The following CARD9 variants were observed in gnomAD, a reference collection of about 807,000 sequenced individuals.
The protein encoded by CARD9 is caspase recruitment domain family member 9, also known as caspase recruitment domain-containing protein 9.
A neutral mutation model predicts 66.0 loss-of-function variants in CARD9; 53 were observed. The ratio of observed to expected loss-of-function variants is 0.80; its 90% CI spans 0.64 to 1.01. The LOEUF is 1.01. CARD9 is among the 50% of genes least tolerant of loss of function. The pLI, the probability that CARD9 is intolerant of heterozygous loss-of-function variation, is 0.00. For missense variants in CARD9, 769 were observed against 743.2 expected (o/e 1.03, Z -0.40); for synonymous variants, 387 against 313.8 (o/e 1.23, Z -2.47).
At chr9:136,367,043 T>C (rs1043303768) in intron 9 of CARD9, among the ~76,000 whole-genome samples, 173 bp downstream of exon 9, 20 of 152,160 alleles carry the variant, frequency 1.3e-4, no homozygotes, top group Non-Finnish European at 1.8e-4. Flanking sequence ...TGCCTTACCT[T>C]ACCCCTTGAG....
intron 8 of CARD9, 173 bp from the exon 9 acceptor site, chr9:136,367,430 G>A: frequency 2.1e-6 from 2 of 951,638 alleles, no homozygotes; most frequent in South Asian, 1.6e-5. Context: ...GCCAGGCCCA[G>A]GACCCACCCC....
chr9:136,372,112 G>A lies in CARD9; in HGVS notation c.-16-18C>T. 1 of 1,611,290 alleles carries A rather than the reference G, an allele frequency of 6.2e-7. No individual in the cohort carries two copies. On this transcript the variant is annotated intron_variant, in intron 1 of 12. Transcript: ENST00000371732. ...CAGGCAGGCTGGGGAGTGTGGGGCA[G>A]TGCTGAGAGCGATGCCGGCTCCTGC...
rs1833284343 is a variant in CARD9 at position 136,371,879 on chromosome 9, G to GC, written c.184+15dup. On this transcript the variant is annotated intron_variant, in intron 2 of 12. Coordinates refer to ENST00000371732, the MANE Select transcript of CARD9 (RefSeq NM_052813.5). ...TGGTTGGGTTTGGGGCCTGGGGCCC[G>GC]CGGGGCAACACTGACCCACTTTCCG... 2.5e-6 allele frequency: 4 copies of GC among 1,581,258 alleles called. No individual in the cohort carries two copies. The highest frequency in any genetic ancestry group is 1.7e-4 in the Middle Eastern group (1 of 5,916).
intron 2 of CARD9, 24 bp downstream of exon 2, chr9:136,371,871 T>A: frequency 6.3e-7 from 1 of 1,575,948 alleles, no homozygotes; most frequent in Non-Finnish European, 8.7e-7. Flanking sequence ...GTTTGGGGCC[T>A]GGGGCCCGCG....
At chr9:136,366,436 G>C in intron 10 of CARD9, 1 of 328,142 alleles carries the variant, frequency 3.0e-6, no homozygotes, top group Non-Finnish European at 5.8e-6. Flanking sequence ...AGGAAGCTTG[G>C]AGCAGCCAGG....
chr9:136,372,388 G>T (rs1833298217), intron 1 of CARD9, among the ~76,000 whole-genome samples: 1 of 152,230 alleles, frequency 6.6e-6, no homozygotes, highest in South Asian at 2.1e-4. Flanking sequence ...CAGATACGCA[G>T]CGGGGGAGGC....
Position 136,364,284 on chromosome 9 carries a change from G to C in CARD9, c.*18C>G. Reference sequence around the variant, plus strand: ...CGGGCCGGTGGGTGTGCCCTGGTCGGGGCCTGCGCTGCTGCGGCTAGGAGC... The same window carrying C: ...CGGGCCGGTGGGTGTGCCCTGGTCGCGGCCTGCGCTGCTGCGGCTAGGAGC... On this transcript the variant is annotated 3_prime_UTR_variant, in exon 13 of 13. Coordinates refer to ENST00000371732, the MANE Select transcript of CARD9 (RefSeq NM_052813.5). The C allele has an allele frequency of 6.4e-7, 1 of 1,552,420 alleles. No homozygotes were observed. Among genetic ancestry groups the C allele is most frequent in the Non-Finnish European group, 8.7e-7 (1 of 1,147,808 alleles).
intron 7 of CARD9, chr9:136,368,059 C>T (rs984803376): frequency 4.3e-6 from 6 of 1,397,022 alleles, no homozygotes; most frequent in African/African-American, 1.5e-5. Context: ...CAAGCCTGCA[C>T]CCCCGGTGGA....
intron 2 of CARD9, 65 bp from the exon 3 acceptor site, chr9:136,371,526 G>GGGGGGGGGGGGGGGGC: frequency 1.2e-5 from 6 of 515,984 alleles, no homozygotes; most frequent in Non-Finnish European, 2.2e-5. Flanking sequence ...GGGTGGGTGG[G>GGGGGGGGGGGGGGGGC]CCTGGGGGCA....
intron 7 of CARD9, among the ~76,000 whole-genome samples, chr9:136,369,150 C>T (rs952962192): frequency 2.0e-5 from 3 of 152,058 alleles, no homozygotes; most frequent in Non-Finnish European, 4.4e-5. Flanking sequence ...GAGCAGGGAT[C>T]TCACCGTGTT....
chr9:136,370,763 C>T, intron 4 of CARD9, 62 bp from the exon 5 acceptor site: 1 of 1,608,658 alleles, frequency 6.2e-7, no homozygotes, highest in Non-Finnish European at 8.5e-7. Context: ...CCCGTGGGGC[C>T]ACCCCCGACC....
rs766262443 is a variant in CARD9, at chr9:136,371,476, G to C, written c.185-15C>G. On this transcript the variant is annotated splice_polypyrimidine_tract_variant and intron_variant, in intron 2 of 12. Transcript: ENST00000371732. Reference sequence around the variant, plus strand: ...CAGGAGCACACCTGCGGGCCAGAGAGGCCTAACTGGGGGCGGGGCACAGGC... The same window carrying C: ...CAGGAGCACACCTGCGGGCCAGAGACGCCTAACTGGGGGCGGGGCACAGGC... 2.6e-6 allele frequency: 4 copies of C among 1,567,216 alleles called. No homozygotes were observed. In the South Asian group the frequency reaches 4.7e-5, roughly 18 times the overall value.
chr9:136,372,893 G>A (rs1057080605), intron 1 of CARD9, among the ~76,000 whole-genome samples: 2 of 152,222 alleles, frequency 1.3e-5, no homozygotes, highest in African/African-American at 4.8e-5. Context: ...GAGGTGCCGG[G>A]CACCAGTGAA....
rs886063707 is a variant in CARD9, at chr9:136,373,654, C to T, written c.-139G>A. On this transcript the variant is annotated 5_prime_UTR_variant, in exon 1 of 13. Coordinates refer to ENST00000371732, the MANE Select transcript of CARD9 (RefSeq NM_052813.5). ...AGCACGCCGGACGCCTGTGCACTTCCTGATGGGTTCTGCTTAACTCCACAG... is the reference window on the plus strand; with the variant it reads ...AGCACGCCGGACGCCTGTGCACTTCTTGATGGGTTCTGCTTAACTCCACAG... 1.3e-4 allele frequency: 106 copies of T among 823,124 alleles called. No homozygotes were observed. Among genetic ancestry groups the T allele is most frequent in the Non-Finnish European group, 1.5e-4 (103 of 681,682 alleles). 51.0% of individuals were successfully genotyped at this position (823,124 alleles called of 1,614,324 possible).
At chr9:136,364,973 C>T (rs539614419) in intron 11 of CARD9, 168 bp downstream of exon 11, 7 of 647,450 alleles carry the variant, frequency 1.1e-5, no homozygotes, top group Admixed American at 8.6e-5. Context: ...GGATCCACTT[C>T]GCAGCCCAGA....
At position 136,370,553 on chromosome 9, in the gene CARD9, G is replaced by T. The variant is rs866295639; in HGVS notation, c.776C>A (p.Ala259Asp). 1 of 1,607,550 alleles carries T rather than the reference G, an allele frequency of 6.2e-7. No individual in the cohort carries two copies. Among genetic ancestry groups the T allele is most frequent in the African/African-American group, 1.3e-5 (1 of 74,890 alleles). The change falls in exon 5 of 13, where the codon GCC becomes GAC. Residue 259 changes from alanine (A) to aspartate (D), a missense_variant. Coordinates refer to ENST00000371732, the MANE Select transcript of CARD9 (RefSeq NM_052813.5). Reference sequence around the variant, plus strand: ...GGAGGCCTCCAGCTCCTGCACCCGGGCCTGGAGCAGGGCCTTCTCCTGCTG... The same window carrying T: ...GGAGGCCTCCAGCTCCTGCACCCGGTCCTGGAGCAGGGCCTTCTCCTGCTG... ...ELQQEKALLQ[A>D]RVQELEASVQ... is the part of the protein sequence containing the mutation.
At position 136,367,706 on chromosome 9, in the gene CARD9, G is replaced by C; in HGVS notation, c.1200C>G (p.Phe400Leu). 6.2e-7 allele frequency: 1 copy of C among 1,603,758 alleles called. No homozygotes were observed. The highest frequency in any genetic ancestry group is 1.1e-5 in the South Asian group (1 of 90,448). Reference sequence around the variant, plus strand: ...CGGCCAGTAGCTGCGCCTCACACTGGAACACCTGCAGCTGCAGCTCATCCG... The same window carrying C: ...CGGCCAGTAGCTGCGCCTCACACTGCAACACCTGCAGCTGCAGCTCATCCG... Reference protein sequence around the residue: ...EKADELQLQVFQCEAQLLAVE... With the variant: ...EKADELQLQVLQCEAQLLAVE... Residue 400 changes from phenylalanine (F) to leucine (L), a missense_variant, in exon 8 of 13, where the codon TTC becomes TTG. Coordinates refer to ENST00000371732, the MANE Select transcript of CARD9 (RefSeq NM_052813.5).
At chr9:136,369,952 G>T (rs1026550571) in intron 6 of CARD9, 77 bp from the exon 7 acceptor site, 39 of 1,594,440 alleles carry the variant, frequency 2.4e-5, no homozygotes, top group Middle Eastern at 1.7e-4. Flanking sequence ...CCGGGCAGGG[G>T]CTCAGAAGCA....
chr9:136,366,983 C>T (rs1833139191), intron 9 of CARD9, 138 bp from the exon 10 acceptor site: 11 of 1,130,746 alleles, frequency 9.7e-6, no homozygotes, highest in South Asian at 8.8e-5. Flanking sequence ...CTCAGAGACT[C>T]AGGTGCCCAG....
Sources: gnomAD v4.1 joint callset for allele counts (sites outside exome capture counted in the v4.1 genomes callset) on GRCh38, gnomAD v4.1.1 for gene constraint, MANE v1.5 for transcripts, NCBI Gene and HGNC (gene_info 2026-07-23, HGNC 2026-07-21) for gene names.